The following SRP9 variants were observed in gnomAD, a reference collection of about 807,000 sequenced individuals.
SRP9 encodes the protein signal recognition particle 9 kDa protein.
Under a neutral mutation model 11.7 loss-of-function variants are expected in SRP9, and 2 were observed. The ratio of observed to expected loss-of-function variants is 0.17; its 90% confidence interval spans 0.07 to 0.54. The LOEUF (loss-of-function observed/expected upper bound fraction) is 0.54. Ranked by LOEUF, SRP9 falls within the 20% of genes least tolerant of loss-of-function variation. The probability of loss-of-function intolerance (pLI) is 0.94; values close to 1 mark genes in which losing one functional copy is unlikely to be tolerated. For synonymous variants in SRP9, 27 were observed against 35.6 expected (o/e 0.76, Z 0.86); for missense variants, 54 against 108.1 (o/e 0.50, Z 2.22).
At chr1:225,779,175 C>T (rs1396690640) in intron 1 of SRP9, among the ~76,000 whole-genome samples, 1 of 147,946 alleles carries the variant, frequency 6.8e-6, no homozygotes, top group Non-Finnish European at 1.5e-5. Context: ...GACGAAATCT[C>T]GCACTGTCGC....
chr1:225,784,137 G>A (rs1217713364), intron 2 of SRP9, among the ~76,000 whole-genome samples: 1 of 135,672 alleles, frequency 7.4e-6, no homozygotes, highest in African/African-American at 2.8e-5. Context: ...GCAAATGTGT[G>A]TTTAGTTCAT....
chr1:225,778,694 C>A (rs1665734307), intron 1 of SRP9, among the ~76,000 whole-genome samples: 1 of 152,140 alleles, frequency 6.6e-6, no homozygotes, highest in South Asian at 2.1e-4. Context: ...GCAAAGGAGT[C>A]CAAGTGATGG....
intron 2 of SRP9, among the ~76,000 whole-genome samples, chr1:225,783,684 T>A (rs1665841176): frequency 6.6e-6 from 1 of 152,222 alleles, no homozygotes; most frequent in Non-Finnish European, 1.5e-5. Context: ...GAACACAACT[T>A]ACAGGCTTTA....
intron 1 of SRP9, among the ~76,000 whole-genome samples, chr1:225,782,354 C>T (rs558681152): frequency 1.3e-5 from 2 of 152,014 alleles, no homozygotes; most frequent in Admixed American, 6.6e-5. Context: ...TTAGTAGAGA[C>T]GGGGTTTCAC....
rs1438938430 is a variant in SRP9 at position 225,783,304 on chromosome 1, G to A, written c.77G>A (p.Arg26His). The A allele has an allele frequency of 5.0e-6, 8 of 1,611,360 alleles. No homozygotes were observed. Among genetic ancestry groups the A allele is most frequent in the Non-Finnish European group, 6.8e-6 (8 of 1,178,248 alleles). Residue 26 changes from arginine (R) to histidine (H), a missense_variant, in exon 2 of 3, where the codon CGT becomes CAT. Transcript: ENST00000304786. ...KLYLADPMKA[R>H]VVLKYRHSDG... is the part of the protein sequence containing the mutation. ...AAATATGTATTTTTGTTTCAGGCAC[G>A]TGTGGTTCTCAAATATAGGCATTCT...
chr1:225,785,164 G>A (rs532764048), intron 2 of SRP9, among the ~76,000 whole-genome samples: 1 of 151,668 alleles, frequency 6.6e-6, no homozygotes, highest in South Asian at 2.1e-4. Context: ...TCCACCTCCT[G>A]GGTTCAAGTG....
In SRP9 at chr1:225,782,772, C is replaced by T. The variant is rs752331579; in HGVS notation, c.73-528C>T. Among the ~76,000 whole-genome samples the T allele has an allele frequency of 5.3e-5, 8 of 152,154 alleles. No individual in the cohort carries two copies. In the South Asian group the frequency reaches 6.2e-4, roughly 12 times the overall value. The stretch of plus-strand genomic sequence containing the variant: ...GTAATAATGCGTTATGTTCTACCTT[C>T]GTGATAAAGACCTGATTTTGCTGAA... On this transcript the variant is annotated intron_variant, in intron 1 of 2. Transcript: ENST00000304786.
rs191367978 is a variant in SRP9, at chr1:225,790,243, T to C, written c.*884T>C. 259 of 152,392 alleles carry C rather than the reference T, an allele frequency of 1.7e-3. No individual in the cohort carries two copies. The highest frequency in any genetic ancestry group is 5.9e-3 in the African/African-American group (246 of 41,598). 9.4% of individuals were successfully genotyped at this position (152,392 alleles called of 1,614,324 possible). On this transcript the variant is annotated 3_prime_UTR_variant, in exon 3 of 3. Coordinates refer to ENST00000304786, the MANE Select transcript of SRP9 (RefSeq NM_003133.6). ...TTAGGTGTGACTGTCACAACTGTTA[T>C]GTTTTCCAGTAAACTAGAAGTACGA...
At chr1:225,779,906 A>G (rs1259892402) in intron 1 of SRP9, among the ~76,000 whole-genome samples, 1 of 152,232 alleles carries the variant, frequency 6.6e-6, no homozygotes, top group Non-Finnish European at 1.5e-5. Context: ...GAATATATAA[A>G]TTCACATCAA....
intron 2 of SRP9, among the ~76,000 whole-genome samples, chr1:225,784,852 A>G (rs1380249453): frequency 1.3e-5 from 2 of 152,028 alleles, no homozygotes; most frequent in Non-Finnish European, 2.9e-5. Flanking sequence ...AAAAAAACAA[A>G]CAAAAAAACT....
intron 2 of SRP9, among the ~76,000 whole-genome samples, chr1:225,787,401 G>T (rs1295345788): frequency 1.3e-5 from 2 of 152,052 alleles, no homozygotes; most frequent in African/African-American, 2.4e-5. Flanking sequence ...GGTGGTGGGT[G>T]CCTGTAATCT....
chr1:225,788,884 A>C, intron 2 of SRP9: 2 of 969,774 alleles, frequency 2.1e-6, no homozygotes, highest in Non-Finnish European at 2.9e-6. Flanking sequence ...GCTGGGAGAA[A>C]ATATGTAGGG....
At chr1:225,786,515 C>T (rs955360681) in intron 2 of SRP9, among the ~76,000 whole-genome samples, 1 of 152,144 alleles carries the variant, frequency 6.6e-6, no homozygotes, top group Non-Finnish European at 1.5e-5. Context: ...TATGATGAGA[C>T]TGCATGAAGT....
At chr1:225,788,302 C>T (rs181990958) in intron 2 of SRP9, among the ~76,000 whole-genome samples, 1 of 152,128 alleles carries the variant, frequency 6.6e-6, no homozygotes, top group East Asian at 1.9e-4. Flanking sequence ...AGCTGAGGAT[C>T]GCTTGAGCCC....
At chr1:225,784,320 C>T (rs1665857266) in intron 2 of SRP9, among the ~76,000 whole-genome samples, 1 of 130,906 alleles carries the variant, frequency 7.6e-6, no homozygotes, top group South Asian at 2.6e-4. Flanking sequence ...GATCTCGGCT[C>T]ACTGCAAGCT....
chr1:225,782,569 T>A (rs1320755860), intron 1 of SRP9, among the ~76,000 whole-genome samples: 5 of 152,188 alleles, frequency 3.3e-5, no homozygotes, highest in Non-Finnish European at 7.4e-5. Flanking sequence ...AAAAAAATAA[T>A]GTTCGTGGAA....
intron 2 of SRP9, among the ~76,000 whole-genome samples, chr1:225,784,540 C>A (rs1665862190): frequency 6.6e-6 from 1 of 151,752 alleles, no homozygotes; most frequent in African/African-American, 2.4e-5. Context: ...TGAACCACCC[C>A]ACCCGGCCTA....
intron 1 of SRP9, among the ~76,000 whole-genome samples, chr1:225,781,401 T>C (rs1425065324): frequency 5.7e-5 from 8 of 139,390 alleles, no homozygotes; most frequent in Non-Finnish European, 1.1e-4. Context: ...TTTTCTTTTT[T>C]TTTTTTTTTT....
intron 2 of SRP9, among the ~76,000 whole-genome samples, chr1:225,785,285 A>G (rs1366929672): frequency 2.2e-5 from 3 of 138,764 alleles, no homozygotes; most frequent in African/African-American, 5.5e-5. Context: ...CACCATGTTG[A>G]CCAGGATGGT....
Sources: allele counts gnomAD v4.1 joint callset (sites outside exome capture counted in the v4.1 genomes callset), GRCh38; gene constraint gnomAD v4.1.1; transcripts MANE v1.5; gene names NCBI Gene and HGNC (gene_info 2026-07-23, HGNC 2026-07-21).